DENND1A: variants seen among roughly 807,000 people sequenced by gnomAD.
DENND1A encodes DENN domain-containing protein 1A.
Under a neutral mutation model 113.7 loss-of-function variants are expected in DENND1A, and 51 were observed. The ratio of observed to expected loss-of-function variants is 0.45; its 90% CI spans 0.36 to 0.57. DENND1A has a LOEUF of 0.57. Ranked by LOEUF, DENND1A falls within the 20% of genes least tolerant of loss-of-function variation. The pLI, the probability that DENND1A is intolerant of heterozygous loss-of-function variation, is 0.00. For missense variants in DENND1A, 1,258 were observed against 1,395.9 expected (o/e 0.90, Z 1.57); for synonymous variants, 565 against 570.8 (o/e 0.99, Z 0.14).
intron 3 of DENND1A, among the ~76,000 whole-genome samples, chr9:123,790,116 G>C (rs1253514190): frequency 6.6e-6 from 1 of 152,016 alleles, no homozygotes; most frequent in East Asian, 1.9e-4. Context: ...GAGATTAAGT[G>C]CATATTCAGC....
At chr9:123,737,040 A>G (rs1050254496) in intron 5 of DENND1A, among the ~76,000 whole-genome samples, 5 of 152,260 alleles carry the variant, frequency 3.3e-5, no homozygotes, top group Admixed American at 3.3e-4. Context: ...CAAAAATTCC[A>G]TTGAAGTCAA....
At chr9:123,666,887 TTTG>T (rs1252286651) in intron 8 of DENND1A, 136 bp downstream of exon 8, 1 of 779,240 alleles carries the variant, frequency 1.3e-6, no homozygotes, top group Non-Finnish European at 1.9e-6. Context: ...TTCTTATACT[TTTG>T]TTTTTATAAT....
intron 13 of DENND1A, among the ~76,000 whole-genome samples, chr9:123,496,104 C>T (rs1164486042): frequency 6.6e-6 from 1 of 152,156 alleles, no homozygotes; most frequent in Non-Finnish European, 1.5e-5. Flanking sequence ...TATACCCGGC[C>T]TTCATACACC....
chr9:123,484,838 C>T (rs373034173), intron 13 of DENND1A, among the ~76,000 whole-genome samples: 1 of 152,182 alleles, frequency 6.6e-6, no homozygotes, highest in East Asian at 1.9e-4. Flanking sequence ...TGCACACTGG[C>T]CATGGAGCCC....
At chr9:123,443,747 G>T (rs1357394155) in intron 18 of DENND1A, among the ~76,000 whole-genome samples, 4 of 152,252 alleles carry the variant, frequency 2.6e-5, no homozygotes, top group African/African-American at 9.6e-5. Context: ...TTGAGCCCAG[G>T]AGTTTGAGAC....
Position 123,710,560 on chromosome 9 carries a change from C to CACACACACACAT in DENND1A, c.303-33772_303-33771insATGTGTGTGTGT, listed in dbSNP as rs60092060. ...ACACACACACACACACACACACACA[C>CACACACACACAT]TGGCATCATACAAATTTGCTTTGAG... On this transcript the variant is annotated intron_variant, in intron 5 of 23. Coordinates refer to ENST00000394215, the MANE Select transcript of DENND1A (RefSeq NM_001352964.2). Among the ~76,000 whole-genome samples the CACACACACACAT allele has an allele frequency of 4.6e-4, 69 of 148,978 alleles. 4 individuals carry two copies. The highest frequency in any genetic ancestry group is 1.7e-3 in the East Asian group (9 of 5,144).
chr9:123,460,161 T>C (rs1044744960), intron 13 of DENND1A, among the ~76,000 whole-genome samples: 2 of 152,218 alleles, frequency 1.3e-5, no homozygotes, highest in East Asian at 3.8e-4. Context: ...TTATTTTGTG[T>C]ACGAGAAAAA....
At chr9:123,457,199 G>A in intron 15 of DENND1A, 149 bp downstream of exon 15, 4 of 668,948 alleles carry the variant, frequency 6.0e-6, no homozygotes, top group Non-Finnish European at 1.1e-5. Context: ...AAAACAAAGA[G>A]GAATTCTTCA....
intron 2 of DENND1A, among the ~76,000 whole-genome samples, chr9:123,874,506 A>G (rs1847146489): frequency 6.6e-6 from 1 of 152,210 alleles, no homozygotes; most frequent in Admixed American, 6.5e-5. Flanking sequence ...TAAGGAGGCT[A>G]GTACCATCTA....
chr9:123,765,021 G>A (rs1360328295), intron 4 of DENND1A, among the ~76,000 whole-genome samples: 2 of 152,228 alleles, frequency 1.3e-5, no homozygotes, highest in African/African-American at 2.4e-5. Context: ...GGAGAGCAGG[G>A]TGAATCTGCA....
chr9:123,452,651 G>A (rs1588605621), intron 16 of DENND1A, among the ~76,000 whole-genome samples: 1 of 151,996 alleles, frequency 6.6e-6, no homozygotes, highest in Non-Finnish European at 1.5e-5. Flanking sequence ...CTGCATCACA[G>A]GCTGCCTAAG....
intron 2 of DENND1A, among the ~76,000 whole-genome samples, chr9:123,835,650 TG>T (rs1840943569): frequency 6.7e-6 from 1 of 149,870 alleles, no homozygotes; most frequent in Admixed American, 6.6e-5. Flanking sequence ...ATTTTCCTCT[TG>T]ATTTCCAGGA....
intron 13 of DENND1A, among the ~76,000 whole-genome samples, chr9:123,463,931 T>TA: frequency 7.1e-6 from 1 of 141,288 alleles, no homozygotes; most frequent in East Asian, 2.1e-4. Flanking sequence ...AAATTAAAAA[T>TA]AAAAAAACAA....
At chr9:123,899,942 T>C (rs1309137139) in intron 1 of DENND1A, among the ~76,000 whole-genome samples, 1 of 152,228 alleles carries the variant, frequency 6.6e-6, no homozygotes, top group East Asian at 1.9e-4. Context: ...TAACTTTCAA[T>C]GATCACTGTA....
chr9:123,537,089 AC>A (rs2055845694), intron 13 of DENND1A, among the ~76,000 whole-genome samples: 2 of 152,150 alleles, frequency 1.3e-5, no homozygotes, highest in Non-Finnish European at 2.9e-5. Context: ...TAAAACTACA[AC>A]CTACTGTGTC....
chr9:123,541,498 A>T (rs1300759244), intron 13 of DENND1A, among the ~76,000 whole-genome samples: 3 of 152,242 alleles, frequency 2.0e-5, no homozygotes, highest in Admixed American at 1.3e-4. Flanking sequence ...TGTGAAGACG[A>T]GAGTGAACAT....
At chr9:123,574,232 C>A (rs1367286670) in intron 12 of DENND1A, among the ~76,000 whole-genome samples, 2 of 137,982 alleles carry the variant, frequency 1.4e-5, no homozygotes, top group Non-Finnish European at 3.0e-5. Flanking sequence ...TGGGGTAAAG[C>A]TGACCTCATA....
chr9:123,846,339 T>C (rs1451690452), intron 2 of DENND1A, among the ~76,000 whole-genome samples: 1 of 152,212 alleles, frequency 6.6e-6, no homozygotes, highest in Non-Finnish European at 1.5e-5. Context: ...ATGCCATTCC[T>C]AGGTATATAC....
At chr9:123,887,663 G>A (rs1564448874) in intron 1 of DENND1A, among the ~76,000 whole-genome samples, 1 of 151,782 alleles carries the variant, frequency 6.6e-6, no homozygotes, top group Non-Finnish European at 1.5e-5. Context: ...CAGAGTGAGT[G>A]GGAGTCAGAG....
Sources: allele counts gnomAD v4.1 joint callset (sites outside exome capture counted in the v4.1 genomes callset), GRCh38; gene constraint gnomAD v4.1.1; transcripts MANE v1.5; gene names NCBI Gene and HGNC (gene_info 2026-07-23, HGNC 2026-07-21).